The following ARPP19 variants were observed in gnomAD, a reference collection of about 807,000 sequenced individuals.
ARPP19 encodes the protein cAMP-regulated phosphoprotein 19.
ARPP19 carries 8 observed loss-of-function variants against 12.0 expected under a neutral mutation model. The ratio of observed to expected loss-of-function variants is 0.67; its 90% CI spans 0.39 to 1.21. The LOEUF (loss-of-function observed/expected upper bound fraction) is 1.21, where lower values mean the gene tolerates loss of function less well. Among genes scored for constraint, ARPP19 ranks in the 50% most tolerant of loss-of-function variants. The pLI, the probability that ARPP19 is intolerant of heterozygous loss-of-function variation, is 0.01. For synonymous variants in ARPP19, 47 were observed against 50.4 expected (o/e 0.93, Z 0.29); for missense variants, 102 against 136.3 (o/e 0.75, Z 1.25).
chr15:52,553,950 G>T (rs560146469), intron 2 of ARPP19, among the ~76,000 whole-genome samples: 15 of 152,346 alleles, frequency 9.8e-5, no homozygotes, highest in African/African-American at 3.4e-4. Flanking sequence ...CAGTAACAAG[G>T]AACCCTGGAA....
intron 1 of ARPP19, among the ~76,000 whole-genome samples, chr15:52,562,600 T>C (rs1244220233): frequency 6.6e-6 from 1 of 151,938 alleles, no homozygotes. Context: ...CACTTAAGCC[T>C]ACCCTGGGAG....
intron 1 of ARPP19, chr15:52,568,316 A>C (rs1391235474): frequency 6.6e-6 from 1 of 152,596 alleles, no homozygotes; most frequent in Non-Finnish European, 1.5e-5. Context: ...CCGCCGTGGG[A>C]GGCAAGCACC....
At position 52,549,844 on chromosome 15, in the gene ARPP19, A is replaced by G. The variant is rs2077912899; in HGVS notation, c.*2090T>C. 6.6e-6 allele frequency: 1 copy of G among 151,862 alleles called. No individual in the cohort carries two copies. The highest frequency in any genetic ancestry group is 6.6e-5 in the Admixed American group (1 of 15,184). The allele number at this position is 151,862 out of a possible 1,614,324, so 9.4% of individuals were successfully genotyped here. On this transcript the variant is annotated 3_prime_UTR_variant, in exon 3 of 3. Transcript: ENST00000249822. ...CTTAAATTGATTCTATAATGAGTATATACTTGCTCTCATTACAAATATATA... is the reference window on the plus strand; with the variant it reads ...CTTAAATTGATTCTATAATGAGTATGTACTTGCTCTCATTACAAATATATA...
chr15:52,560,295 C>T lies in ARPP19; in HGVS notation c.46-3073G>A, dbSNP rs146235907. Among the ~76,000 whole-genome samples, 41 of 152,182 alleles carry T rather than the reference C, an allele frequency of 2.7e-4. No homozygotes were observed. The East Asian group carries it at 5.4e-3, about 20-fold the overall frequency. On this transcript the variant is annotated intron_variant, in intron 1 of 2. Coordinates refer to ENST00000249822, the MANE Select transcript of ARPP19 (RefSeq NM_006628.6). The stretch of plus-strand genomic sequence containing the variant: ...ACAGGCATGAGCCACTGGGCCCAGC[C>T]GCATTCCCTTGTTTTCTTAATAAGG...
rs2077906317 is a variant in ARPP19, at chr15:52,549,164, G to C, written c.*2770C>G. The C allele has an allele frequency of 6.6e-6, 1 of 152,178 alleles. No individual in the cohort carries two copies. The highest frequency in any genetic ancestry group is 1.5e-5 in the Non-Finnish European group (1 of 68,028). 9.4% of individuals were successfully genotyped at this position (152,178 alleles called of 1,614,324 possible). A position where few individuals can be genotyped will look rare whatever the true frequency, so the allele number is the denominator to read the frequency against. On this transcript the variant is annotated 3_prime_UTR_variant, in exon 3 of 3. Coordinates refer to ENST00000249822, the MANE Select transcript of ARPP19 (RefSeq NM_006628.6). Reference sequence around the variant, plus strand: ...ATTTATTTCAGACTTTAGTTTTCATGAAGTATTTATCAACAACTTCAATTT... The same window carrying C: ...ATTTATTTCAGACTTTAGTTTTCATCAAGTATTTATCAACAACTTCAATTT...
At chr15:52,563,763 G>C (rs895921748) in intron 1 of ARPP19, among the ~76,000 whole-genome samples, 10 of 152,166 alleles carry the variant, frequency 6.6e-5, no homozygotes, top group Non-Finnish European at 1.0e-4. Context: ...GCAACATGTT[G>C]ACTGATGCAC....
chr15:52,561,853 T>C (rs920254907), intron 1 of ARPP19, among the ~76,000 whole-genome samples: 6 of 147,720 alleles, frequency 4.1e-5, no homozygotes, highest in African/African-American at 1.2e-4. Flanking sequence ...AGGTTGAAAG[T>C]AAAAAGACTG....
chr15:52,566,266 C>G (rs189388648), intron 1 of ARPP19, among the ~76,000 whole-genome samples: 146 of 152,304 alleles, frequency 9.6e-4, no homozygotes, highest in South Asian at 2.1e-3. Flanking sequence ...TCAAGCAATT[C>G]TTATGCCTCA....
chr15:52,552,391 G>A (rs1228458753), intron 2 of ARPP19, among the ~76,000 whole-genome samples: 2 of 151,354 alleles, frequency 1.3e-5, no homozygotes, highest in South Asian at 2.1e-4. Context: ...CCAATATGGC[G>A]AAACCCTGTC....
chr15:52,560,475 T>C (rs1410989759), intron 1 of ARPP19, among the ~76,000 whole-genome samples: 1 of 152,244 alleles, frequency 6.6e-6, no homozygotes, highest in Non-Finnish European at 1.5e-5. Flanking sequence ...TCTTGCCAAA[T>C]ACATAGCACA....
chr15:52,563,677 C>G (rs2078055800), intron 1 of ARPP19, among the ~76,000 whole-genome samples: 1 of 152,136 alleles, frequency 6.6e-6, no homozygotes, highest in Non-Finnish European at 1.5e-5. Flanking sequence ...TTTCAGCCTT[C>G]GGCAGAGGAG....
At chr15:52,562,266 T>C (rs1053535538) in intron 1 of ARPP19, among the ~76,000 whole-genome samples, 6 of 152,134 alleles carry the variant, frequency 3.9e-5, no homozygotes, top group African/African-American at 1.4e-4. Flanking sequence ...ACAGCACAAA[T>C]GGAAAAACTG....
chr15:52,566,590 A>G (rs1051658244), intron 1 of ARPP19, among the ~76,000 whole-genome samples: 1 of 151,692 alleles, frequency 6.6e-6, no homozygotes, highest in African/African-American at 2.4e-5. Flanking sequence ...ACACCTGGCT[A>G]ATTTTTATTT....
In ARPP19 at chr15:52,547,279, A is replaced by C. The variant is rs905547824; in HGVS notation, c.*4655T>G. 1 of 152,206 alleles carries C rather than the reference A, an allele frequency of 6.6e-6. No individual in the cohort carries two copies. Among genetic ancestry groups the C allele is most frequent in the African/African-American group, 2.4e-5 (1 of 41,432 alleles). 9.4% of individuals were successfully genotyped at this position (152,206 alleles called of 1,614,324 possible). The stretch of plus-strand genomic sequence containing the variant: ...CCATTTATTTTTTAAATACAAGTAT[A>C]ATTTTGGAAGGGGTATTTGACAAAT... On this transcript the variant is annotated 3_prime_UTR_variant, in exon 3 of 3. Transcript: ENST00000249822.
rs1166897804 is a variant in ARPP19 at position 52,568,985 on chromosome 15, C to T, written c.-93G>A. Reference sequence around the variant, plus strand: ...GCCGCCCGTCCCAGCTCTCCCAGGGCCCGCCGGGCCGCCTCCGCCCGCGAA... The same window carrying T: ...GCCGCCCGTCCCAGCTCTCCCAGGGTCCGCCGGGCCGCCTCCGCCCGCGAA... On this transcript the variant is annotated 5_prime_UTR_variant, in exon 1 of 3. Transcript: ENST00000249822. The T allele has an allele frequency of 4.3e-6, 4 of 925,226 alleles. No individual in the cohort carries two copies. Among genetic ancestry groups the T allele is most frequent in the Non-Finnish European group, 4.8e-6 (3 of 622,156 alleles). 57.3% of individuals were successfully genotyped at this position (925,226 alleles called of 1,614,324 possible). A position where few individuals can be genotyped will look rare whatever the true frequency, so the allele number is the denominator to read the frequency against.
intron 2 of ARPP19, among the ~76,000 whole-genome samples, chr15:52,554,731 T>C (rs1031432918): frequency 6.6e-6 from 1 of 151,972 alleles, no homozygotes; most frequent in African/African-American, 2.4e-5. Flanking sequence ...TCACAACCCC[T>C]ACAAATATGA....
chr15:52,564,226 A>T (rs1566898462), intron 1 of ARPP19: 14 of 1,534,852 alleles, frequency 9.1e-6, no homozygotes, highest in Non-Finnish European at 1.1e-5. Context: ...GCAGAGACCA[A>T]GGGAGCATGT....
At chr15:52,566,322 C>T (rs192390552) in intron 1 of ARPP19, among the ~76,000 whole-genome samples, 1 of 151,958 alleles carries the variant, frequency 6.6e-6, no homozygotes, top group East Asian at 1.9e-4. Context: ...CCATGCCTGG[C>T]TAGTTTTTGT....
intron 2 of ARPP19, among the ~76,000 whole-genome samples, chr15:52,552,644 T>G (rs2077945857): frequency 6.7e-6 from 1 of 149,446 alleles, no homozygotes; most frequent in Non-Finnish European, 1.5e-5. Context: ...ACCATTCTGG[T>G]TCTAATAAAG....
Sources: gnomAD v4.1 joint callset for allele counts (sites outside exome capture counted in the v4.1 genomes callset) on GRCh38, gnomAD v4.1.1 for gene constraint, MANE v1.5 for transcripts, NCBI Gene and HGNC (gene_info 2026-07-23, HGNC 2026-07-21) for gene names.